Variants in TBCK observed in about 807,000 individuals in gnomAD.
The protein encoded by TBCK is TBC1 domain containing kinase.
A neutral mutation model predicts 113.4 loss-of-function variants in TBCK; 99 were observed. The observed-to-expected ratio is 0.87, with a 90% CI of 0.74 to 1.03. The LOEUF is 1.03. TBCK is among the 50% of genes least tolerant of loss of function. The pLI, the probability that TBCK is intolerant of heterozygous loss-of-function variation, is 0.00. For synonymous variants in TBCK, 369 were observed against 370.8 expected, an observed-to-expected ratio of 1.00 and a Z score of 0.05; for missense variants, 1,045 against 1,061.3, an observed-to-expected ratio of 0.98 and a Z score of 0.21.
At chr4:106,230,300 T>C in intron 19 of TBCK, 63 bp downstream of exon 19, 1 of 1,014,392 alleles carries the variant, frequency 9.9e-7, no homozygotes, top group South Asian at 2.1e-5. Context: ...AATCAAATAT[T>C]ACATCAGCAC....
chr4:106,132,488 A>G (rs1180096758), intron 23 of TBCK, among the ~76,000 whole-genome samples: 4 of 152,230 alleles, frequency 2.6e-5, no homozygotes, highest in Non-Finnish European at 5.9e-5. Context: ...ATTTCAGAGG[A>G]TGTTTGAGAC....
At chr4:106,174,592 T>G (rs1300953072) in intron 22 of TBCK, among the ~76,000 whole-genome samples, 2 of 152,150 alleles carry the variant, frequency 1.3e-5, no homozygotes, top group Non-Finnish European at 2.9e-5. Flanking sequence ...GGGCATTTGG[T>G]GGATCCCTGA....
chr4:106,151,735 T>G (rs139301403), intron 23 of TBCK, among the ~76,000 whole-genome samples: 116 of 152,130 alleles, frequency 7.6e-4, no homozygotes, highest in African/African-American at 2.6e-3. Flanking sequence ...TGGAATCTCT[T>G]TCCTTTTTTT....
intron 22 of TBCK, among the ~76,000 whole-genome samples, chr4:106,180,526 C>T (rs538372151): frequency 6.6e-6 from 1 of 152,038 alleles, no homozygotes; most frequent in Non-Finnish European, 1.5e-5. Context: ...CTAATGTTAT[C>T]CTTCCCCTAG....
intron 22 of TBCK, among the ~76,000 whole-genome samples, chr4:106,183,735 A>G (rs936638307): frequency 2.0e-5 from 3 of 152,090 alleles, no homozygotes; most frequent in Admixed American, 6.6e-5. Context: ...ATTGCTAAAC[A>G]TTATTGGATG....
At chr4:106,191,051 G>C (rs75624967) in intron 22 of TBCK, among the ~76,000 whole-genome samples, 1 of 152,112 alleles carries the variant, frequency 6.6e-6, no homozygotes, top group Non-Finnish European at 1.5e-5. Flanking sequence ...CAATTGCTCA[G>C]TGAACATATT....
At chr4:106,232,792 A>C in intron 17 of TBCK, 146 bp downstream of exon 17, 4 of 694,238 alleles carry the variant, frequency 5.8e-6, no homozygotes, top group Non-Finnish European at 6.8e-6. Context: ...AAATGTTTGG[A>C]TGTAAACCTC....
chr4:106,188,456 T>C (rs1174653504), intron 22 of TBCK, among the ~76,000 whole-genome samples: 1 of 152,156 alleles, frequency 6.6e-6, no homozygotes, highest in Non-Finnish European at 1.5e-5. Context: ...ATAAACCTAA[T>C]GCCATCATTG....
intron 24 of TBCK, among the ~76,000 whole-genome samples, chr4:106,100,373 C>T (rs1225786989): frequency 6.6e-6 from 1 of 152,166 alleles, no homozygotes; most frequent in Non-Finnish European, 1.5e-5. Context: ...CCACCCCAAC[C>T]AGTGGCACCA....
chr4:106,155,430 A>T (rs376652284), intron 23 of TBCK, among the ~76,000 whole-genome samples: 6 of 152,006 alleles, frequency 3.9e-5, no homozygotes, highest in African/African-American at 1.4e-4. Flanking sequence ...AATAATTATC[A>T]CTCATTAACA....
In TBCK at chr4:106,055,695, C is replaced by T. The variant is rs559256533; in HGVS notation, c.2572-9015G>A. Reference sequence around the variant, plus strand: ...CTTCTACTAATCACTTGCACTTATGCAATTTTTTTCTTATTTTTAAGCTAA... The same window carrying T: ...CTTCTACTAATCACTTGCACTTATGTAATTTTTTTCTTATTTTTAAGCTAA... On this transcript the variant is annotated intron_variant, in intron 25 of 25. Coordinates refer to ENST00000394708, the MANE Select transcript of TBCK (RefSeq NM_001163435.3). Among the ~76,000 whole-genome samples, 7 of 151,542 alleles carry T rather than the reference C, an allele frequency of 4.6e-5. No homozygotes were observed. The East Asian group carries it at 1.2e-3, about 25-fold the overall frequency.
rs766276657 is a variant in TBCK at position 106,095,547 on chromosome 4, T to C, written c.2506A>G (p.Met836Val). 3.2e-5 allele frequency: 51 copies of C among 1,614,178 alleles called. No homozygotes were observed. In the East Asian group the frequency reaches 1.0e-3, roughly 32 times the overall value. The change falls in exon 25 of 26, where the codon ATG becomes GTG. Residue 836 changes from methionine (M) to valine (V), a missense_variant. Physicochemically the swap from Met to Val is conservative, Grantham distance 21 (BLOSUM62 1). Transcript: ENST00000394708. ...GELTQGPYTAMLQNFKGKVIV... is the reference protein window; with the variant it reads ...GELTQGPYTAVLQNFKGKVIV... ...ACCTTCCCTTTGAAGTTCTGGAGCA[T>C]AGCAGTGTAAGGGCCCTGGGTAAGC...
rs1168123673 is a variant in TBCK at position 106,097,848 on chromosome 4, ATAT to A, written c.2412-2210_2412-2208del. Reference sequence around the variant, plus strand: ...AAATGAGCAAACAACAGATTTCTGTATATTTTTTATTAGAAAGAATAAATAAAT... The same window carrying A: ...AAATGAGCAAACAACAGATTTCTGTATTTTTATTAGAAAGAATAAATAAAT... On this transcript the variant is annotated intron_variant, in intron 24 of 25. Transcript: ENST00000394708. Among the ~76,000 whole-genome samples, 15 of 152,222 alleles carry A rather than the reference ATAT, an allele frequency of 9.9e-5. No homozygotes were observed. In the East Asian group the frequency reaches 2.9e-3, roughly 29 times the overall value.
At chr4:106,198,429 CA>C (rs1754503473) in intron 20 of TBCK, among the ~76,000 whole-genome samples, 1 of 152,080 alleles carries the variant, frequency 6.6e-6, no homozygotes, top group African/African-American at 2.4e-5. Context: ...CCTGAGAAGG[CA>C]GATTTACTAT....
chr4:106,057,839 C>A (rs998505392), intron 25 of TBCK, among the ~76,000 whole-genome samples: 3 of 151,746 alleles, frequency 2.0e-5, no homozygotes, highest in African/African-American at 7.3e-5. Context: ...CATTTGTATA[C>A]ATGTCTAAGC....
At chr4:106,147,670 A>G (rs12503753) in intron 23 of TBCK, among the ~76,000 whole-genome samples, 27,942 of 151,456 alleles carry the variant, frequency 0.18, 2,601 homozygotes, top group South Asian at 0.25. Context: ...CTGTCATCTC[A>G]TAAGCCGAGG....
intron 22 of TBCK, 104 bp downstream of exon 22, chr4:106,193,505 G>T: frequency 8.5e-7 from 1 of 1,176,550 alleles, no homozygotes; most frequent in Non-Finnish European, 1.2e-6. Flanking sequence ...CCAAACAGAA[G>T]AGATGCTGAA....
intron 24 of TBCK, among the ~76,000 whole-genome samples, chr4:106,108,823 C>G (rs1040477869): frequency 1.2e-4 from 18 of 152,104 alleles, no homozygotes; most frequent in Non-Finnish European, 2.4e-4. Flanking sequence ...CAAACTATCT[C>G]TGTAGATGAC....
At chr4:106,226,627 T>G (rs1758276694) in intron 19 of TBCK, among the ~76,000 whole-genome samples, 1 of 152,206 alleles carries the variant, frequency 6.6e-6, no homozygotes, top group Non-Finnish European at 1.5e-5. Context: ...AGCTGATGAT[T>G]ATTAAATTTC....
Sources: allele counts gnomAD v4.1 joint callset (sites outside exome capture counted in the v4.1 genomes callset), GRCh38; gene constraint gnomAD v4.1.1; transcripts MANE v1.5; gene names NCBI Gene and HGNC (gene_info 2026-07-23, HGNC 2026-07-21).